MYH15: variants seen among roughly 807,000 people sequenced by gnomAD.
MYH15 encodes myosin heavy chain 15.
Under a neutral mutation model 240.5 loss-of-function variants are expected in MYH15, and 227 were observed. The ratio of observed to expected loss-of-function variants is 0.94; its 90% confidence interval spans 0.85 to 1.05. The LOEUF (loss-of-function observed/expected upper bound fraction) is 1.05, where lower values mean the gene tolerates loss of function less well. Among genes scored for constraint, MYH15 ranks in the 50% least tolerant of loss-of-function variants. MYH15 has a pLI of 0.00. For missense variants in MYH15, 2,217 were observed against 2,247.5 expected, an observed-to-expected ratio of 0.99 and a Z score of 0.27; for synonymous variants, 785 against 796.7, an observed-to-expected ratio of 0.99 and a Z score of 0.25.
At chr3:108,550,112 T>C in the MYH15 span, 1 of 151,938 alleles carries the variant, frequency 6.6e-6, no homozygotes, top group African/African-American at 2.4e-5. Context: ...AATGACTGTA[T>C]TGGTATAGCA....
chr3:108,529,142 ATCATGTAGTAAT>A, intron 1 of MYH15: 1 of 866,086 alleles, frequency 1.2e-6, no homozygotes, highest in Non-Finnish European at 1.8e-6. Context: ...TTTTTATACT[ATCATGTAGTAAT>A]TGGTGTGCTG....
At chr3:108,523,672 T>G (rs546085739) in intron 1 of MYH15, among the ~76,000 whole-genome samples, 17 of 152,130 alleles carry the variant, frequency 1.1e-4, no homozygotes, top group Admixed American at 2.6e-4. Flanking sequence ...CTTCTTGCTT[T>G]TATTCACCCC....
At chr3:108,477,681 G>T (rs796265985) in intron 11 of MYH15, among the ~76,000 whole-genome samples, 32 of 152,202 alleles carry the variant, frequency 2.1e-4, no homozygotes, top group African/African-American at 7.5e-4. Flanking sequence ...CAGGACACTT[G>T]CCAGCTATCT....
At chr3:108,403,109 A>G (rs2082519517) in intron 33 of MYH15, among the ~76,000 whole-genome samples, 1 of 152,226 alleles carries the variant, frequency 6.6e-6, no homozygotes, top group Non-Finnish European at 1.5e-5. Context: ...AAGCACTCCA[A>G]TATCTGTTGA....
At chr3:108,405,317 C>A in intron 33 of MYH15, 21 bp downstream of exon 33, 1 of 1,364,222 alleles carries the variant, frequency 7.3e-7, no homozygotes, top group African/African-American at 1.4e-5. Flanking sequence ...AATTGTTACA[C>A]ATCAAAATCA....
chr3:108,382,572 G>C (rs979847912), intron 40 of MYH15, among the ~76,000 whole-genome samples: 10 of 152,068 alleles, frequency 6.6e-5, no homozygotes, highest in Non-Finnish European at 1.3e-4. Context: ...CTCAAAATTT[G>C]GAGTGAACTC....
chr3:108,503,324 G>A (rs763167244), intron 2 of MYH15, among the ~76,000 whole-genome samples: 1 of 152,058 alleles, frequency 6.6e-6, no homozygotes, highest in Non-Finnish European at 1.5e-5. Flanking sequence ...CACATCTGGA[G>A]GCCTAATAAA....
At chr3:108,401,946 T>C (rs2082509010) in intron 33 of MYH15, among the ~76,000 whole-genome samples, 1 of 152,168 alleles carries the variant, frequency 6.6e-6, no homozygotes. Flanking sequence ...GTACCTTCTT[T>C]TTCCTAAAAT....
rs543476797 is a variant in MYH15 at position 108,449,646 on chromosome 3, G to A, written c.2399+4360C>T. On this transcript the variant is annotated intron_variant, in intron 21 of 40. Transcript: ENST00000693548. Reference sequence around the variant, plus strand: ...TGTAAAATTACCAGAAGAACACTTGGGGAAAAAGTTTCTGACATTGGTTTT... The same window carrying A: ...TGTAAAATTACCAGAAGAACACTTGAGGAAAAAGTTTCTGACATTGGTTTT... Among the ~76,000 whole-genome samples, 16 of 151,974 alleles carry A rather than the reference G, an allele frequency of 1.1e-4. 1 individual carries two copies. In the East Asian group the frequency reaches 3.1e-3, roughly 29 times the overall value.
At chr3:108,527,179 G>A (rs1455477183) in intron 1 of MYH15, among the ~76,000 whole-genome samples, 2 of 152,066 alleles carry the variant, frequency 1.3e-5, no homozygotes, top group Non-Finnish European at 2.9e-5. Context: ...TACTTGTCTG[G>A]GGGATCTCAC....
At chr3:108,497,725 G>A (rs1300823371) in intron 6 of MYH15, among the ~76,000 whole-genome samples, 1 of 152,090 alleles carries the variant, frequency 6.6e-6, no homozygotes, top group Admixed American at 6.5e-5. Flanking sequence ...AAATATCCAA[G>A]CCACTGATGA....
At chr3:108,534,247 T>G (rs1358615627), upstream of MYH15, among the ~76,000 whole-genome samples, 1 of 152,152 alleles carries the variant, frequency 6.6e-6, no homozygotes, top group African/African-American at 2.4e-5. Context: ...AAACTCCAAT[T>G]GCATATTATA....
intron 33 of MYH15, among the ~76,000 whole-genome samples, chr3:108,399,884 T>G (rs1157655749): frequency 1.3e-5 from 2 of 152,022 alleles, no homozygotes; most frequent in African/African-American, 2.4e-5. Context: ...AATTCCTTCC[T>G]AAGAAAAAAA....
At chr3:108,446,115 T>G (rs2082925600) in intron 21 of MYH15, among the ~76,000 whole-genome samples, 2 of 151,884 alleles carry the variant, frequency 1.3e-5, no homozygotes, top group African/African-American at 4.8e-5. Flanking sequence ...ATCAGTCCAG[T>G]CCCCACAGAC....
chr3:108,531,756 G>A (rs935112883), upstream of MYH15, among the ~76,000 whole-genome samples: 4 of 150,320 alleles, frequency 2.7e-5, no homozygotes, highest in African/African-American at 9.7e-5. Flanking sequence ...CAGCCTGGGC[G>A]ACAGAGCGAG....
intron 29 of MYH15, among the ~76,000 whole-genome samples, chr3:108,414,801 AG>A (rs1416085998): frequency 6.6e-6 from 1 of 152,262 alleles, no homozygotes; most frequent in Non-Finnish European, 1.5e-5. Flanking sequence ...TGTTTGAACC[AG>A]AAAGAACCAC....
chr3:108,464,819 T>C lies in MYH15; in HGVS notation c.1555-5A>G. Reference sequence around the variant, plus strand: ...GATGGAAAGGATGCCCATTGGCTGTTGAAGAGACATAAGAGCAGCAGATTT... The same window carrying C: ...GATGGAAAGGATGCCCATTGGCTGTCGAAGAGACATAAGAGCAGCAGATTT... On this transcript the variant is annotated splice_polypyrimidine_tract_variant and splice_region_variant and intron_variant, in intron 14 of 40. Coordinates refer to ENST00000693548, the MANE Select transcript of MYH15 (RefSeq NM_014981.3). 1.2e-6 allele frequency: 2 copies of C among 1,600,338 alleles called. No individual in the cohort carries two copies. The highest frequency in any genetic ancestry group is 8.5e-7 in the Non-Finnish European group (1 of 1,175,418).
chr3:108,514,492 G>C (rs2083545471), upstream of MYH15, among the ~76,000 whole-genome samples: 4 of 152,166 alleles, frequency 2.6e-5, no homozygotes, highest in South Asian at 4.1e-4. Flanking sequence ...AATTGCCCAT[G>C]TTAGGCCCAG....
chr3:108,470,118 T>C lies in MYH15; in HGVS notation c.1478A>G (p.Tyr493Cys), dbSNP rs1345055012. 3.7e-6 allele frequency: 6 copies of C among 1,612,230 alleles called. No individual in the cohort carries two copies. Among genetic ancestry groups the C allele is most frequent in the Non-Finnish European group, 5.1e-6 (6 of 1,179,300 alleles). ...CACCCATTCAATGCTTTCTTTCTTA[T>C]ATTCCTCTTGCTCCAGAACAAACAT... ...WHMFVLEQEE[Y>C]KKESIEWVSI... Residue 493 changes from tyrosine (Y) to cysteine (C), a missense_variant, in exon 14 of 41, where the codon TAT becomes TGT. Physicochemically the swap from Tyr to Cys is radical, Grantham distance 194 (BLOSUM62 -2). Transcript: ENST00000693548.
Sources: allele counts gnomAD v4.1 joint callset (sites outside exome capture counted in the v4.1 genomes callset), GRCh38; gene constraint gnomAD v4.1.1; transcripts MANE v1.5; gene names NCBI Gene and HGNC (gene_info 2026-07-23, HGNC 2026-07-21).